BICC1: variants seen among roughly 807,000 people sequenced by gnomAD.
BICC1 encodes the protein BicC family RNA binding protein 1.
In BICC1, 43 loss-of-function variants were observed where a neutral mutation model predicts 111.0. That is an observed-to-expected ratio of 0.39 (90% CI 0.30 to 0.50). BICC1 has a LOEUF of 0.50. Ranked by LOEUF, BICC1 falls within the 20% of genes least tolerant of loss-of-function variation. BICC1 has a pLI of 0.88. For synonymous variants in BICC1, 467 were observed against 434.4 expected, an observed-to-expected ratio of 1.07 and a Z score of -0.93; for missense variants, 1,091 against 1,203.2, an observed-to-expected ratio of 0.91 and a Z score of 1.38.
intron 1 of BICC1, among the ~76,000 whole-genome samples, chr10:58,570,309 A>G (rs1033967035): frequency 2.6e-5 from 4 of 152,174 alleles, no homozygotes; most frequent in African/African-American, 9.6e-5. Flanking sequence ...GGCTAAGGTT[A>G]TCTCCTATTT....
intron 2 of BICC1, among the ~76,000 whole-genome samples, chr10:58,624,699 T>G (rs10763569): frequency 0.61 from 92,143 of 152,026 alleles, 28,256 homozygotes; most frequent in African/African-American, 0.67. Context: ...GTTCAAGTGA[T>G]TCTCCTGCCT....
chr10:58,799,384 G>A lies in BICC1; in HGVS notation c.1725+132G>A, dbSNP rs566464872. On this transcript the variant is annotated intron_variant, in intron 12 of 20. Coordinates refer to ENST00000373886, the MANE Select transcript of BICC1 (RefSeq NM_001080512.3). Reference sequence around the variant, plus strand: ...TTGTAAGAGATAAACCCCTGGTAAAGTTAAAACATGTTTAAACTTTCACCT... The same window carrying A: ...TTGTAAGAGATAAACCCCTGGTAAAATTAAAACATGTTTAAACTTTCACCT... The A allele has an allele frequency of 2.6e-5, 15 of 566,632 alleles. No homozygotes were observed. The East Asian group carries it at 4.0e-4, about 15-fold the overall frequency. 35.1% of individuals were successfully genotyped at this position (566,632 alleles called of 1,614,324 possible).
At chr10:58,748,342 T>C (rs1841893160) in intron 3 of BICC1, among the ~76,000 whole-genome samples, 1 of 152,068 alleles carries the variant, frequency 6.6e-6, no homozygotes, top group Non-Finnish European at 1.5e-5. Flanking sequence ...TGCTATACTA[T>C]ACATTCTTGA....
At chr10:58,676,047 C>T (rs1388924155) in intron 2 of BICC1, among the ~76,000 whole-genome samples, 7 of 152,142 alleles carry the variant, frequency 4.6e-5, no homozygotes, top group Non-Finnish European at 4.4e-5. Flanking sequence ...GGAACTCCCT[C>T]CCCTAGCCAA....
At chr10:58,680,700 G>A (rs1589012227) in intron 2 of BICC1, among the ~76,000 whole-genome samples, 1 of 152,244 alleles carries the variant, frequency 6.6e-6, no homozygotes, top group East Asian at 1.9e-4. Context: ...GAACCAAAAA[G>A]AGCCTGTATA....
At chr10:58,740,972 C>T (rs1841643452) in intron 3 of BICC1, among the ~76,000 whole-genome samples, 1 of 152,182 alleles carries the variant, frequency 6.6e-6, no homozygotes, top group Non-Finnish European at 1.5e-5. Flanking sequence ...TGAGAGATTA[C>T]AATGTGAACG....
intron 1 of BICC1, among the ~76,000 whole-genome samples, chr10:58,575,880 G>A (rs1210217561): frequency 6.6e-6 from 1 of 152,188 alleles, no homozygotes; most frequent in Non-Finnish European, 1.5e-5. Context: ...GAAGTTTGCA[G>A]AGCGTTATAG....
At chr10:58,611,708 T>G (rs1008622421) in intron 1 of BICC1, among the ~76,000 whole-genome samples, 3 of 152,042 alleles carry the variant, frequency 2.0e-5, no homozygotes, top group Non-Finnish European at 4.4e-5. Context: ...TAGGCTGGTC[T>G]CAAACTCCTG....
At chr10:58,557,322 A>T (rs561741922) in intron 1 of BICC1, among the ~76,000 whole-genome samples, 1 of 144,292 alleles carries the variant, frequency 6.9e-6, no homozygotes, top group East Asian at 2.0e-4. Context: ...GTTTTAAGCA[A>T]TTTAGTGATA....
At chr10:58,779,575 A>T (rs12780412) in intron 3 of BICC1, among the ~76,000 whole-genome samples, 3 of 152,164 alleles carry the variant, frequency 2.0e-5, no homozygotes, top group Non-Finnish European at 2.9e-5. Context: ...ATACCAAAGA[A>T]ATTTGCATTT....
intron 1 of BICC1, among the ~76,000 whole-genome samples, chr10:58,531,667 C>T (rs1167087804): frequency 6.6e-6 from 1 of 151,458 alleles, no homozygotes; most frequent in Non-Finnish European, 1.5e-5. Flanking sequence ...AAAACATATA[C>T]AATGAAACTG....
At chr10:58,580,488 G>T (rs1045098252) in intron 1 of BICC1, among the ~76,000 whole-genome samples, 4 of 152,112 alleles carry the variant, frequency 2.6e-5, no homozygotes, top group African/African-American at 7.2e-5. Context: ...TGCTTAACTG[G>T]TAAGTAAATA....
chr10:58,581,124 A>G (rs1185542118), intron 1 of BICC1, among the ~76,000 whole-genome samples: 1 of 152,158 alleles, frequency 6.6e-6, no homozygotes, highest in African/African-American at 2.4e-5. Context: ...AAAGGAAATA[A>G]TAAGAATCTC....
At chr10:58,803,678 T>C (rs1166975885) in intron 15 of BICC1, among the ~76,000 whole-genome samples, 2 of 152,184 alleles carry the variant, frequency 1.3e-5, no homozygotes, top group African/African-American at 4.8e-5. Context: ...GAATGTGGAG[T>C]GTTCTTTGAA....
intron 3 of BICC1, among the ~76,000 whole-genome samples, chr10:58,779,435 T>C (rs1363535886): frequency 2.6e-5 from 4 of 152,254 alleles, no homozygotes; most frequent in African/African-American, 7.2e-5. Context: ...GTTGTAGATA[T>C]GTCACCAGAT....
At chr10:58,742,330 A>C (rs1841694454) in intron 3 of BICC1, among the ~76,000 whole-genome samples, 1 of 151,302 alleles carries the variant, frequency 6.6e-6, no homozygotes, top group Non-Finnish European at 1.5e-5. Flanking sequence ...TATTTTAAGG[A>C]TTTCTTGACA....
intron 20 of BICC1, among the ~76,000 whole-genome samples, chr10:58,822,777 A>G (rs1264971670): frequency 6.6e-6 from 1 of 152,148 alleles, no homozygotes; most frequent in Non-Finnish European, 1.5e-5. Context: ...TAACAAAGAC[A>G]TCCATTTATA....
In BICC1 at chr10:58,539,566, A is replaced by G. The variant is rs1305625364; in HGVS notation, c.190+26233A>G. ...AAAAATTTTTGAAGTACATTATGTAATGATGAAAGGGCCAATTCACCAGGA... is the reference window on the plus strand; with the variant it reads ...AAAAATTTTTGAAGTACATTATGTAGTGATGAAAGGGCCAATTCACCAGGA... On this transcript the variant is annotated intron_variant, in intron 1 of 20. Coordinates refer to ENST00000373886, the MANE Select transcript of BICC1 (RefSeq NM_001080512.3). 3.3e-5 allele frequency among the ~76,000 whole-genome samples: 5 copies of G among 151,928 alleles called. No homozygotes were observed. In the East Asian group the frequency reaches 9.7e-4, roughly 29 times the overall value.
intron 2 of BICC1, among the ~76,000 whole-genome samples, chr10:58,659,665 C>T (rs757838836): frequency 5.3e-5 from 8 of 152,086 alleles, no homozygotes; most frequent in South Asian, 2.1e-4. Context: ...GCATGACACA[C>T]AGTTTACCTG....
Sources: gnomAD v4.1 joint callset for allele counts (sites outside exome capture counted in the v4.1 genomes callset) on GRCh38, gnomAD v4.1.1 for gene constraint, MANE v1.5 for transcripts, NCBI Gene and HGNC (gene_info 2026-07-23, HGNC 2026-07-21) for gene names.